GRID2: variants seen among roughly 807,000 people sequenced by gnomAD.
GRID2 encodes the protein glutamate receptor ionotropic, delta-2.
GRID2 carries 33 observed loss-of-function variants against 114.8 expected under a neutral mutation model. That is an observed-to-expected ratio of 0.29 (90% confidence interval 0.22 to 0.38). The LOEUF is 0.38. GRID2 is among the 10% of genes least tolerant of loss of function. The pLI, the probability that GRID2 is intolerant of heterozygous loss-of-function variation, is 1.00. For missense variants in GRID2, 1,184 were observed against 1,257.7 expected (o/e 0.94, Z 0.89); for synonymous variants, 505 against 449.9 (o/e 1.12, Z -1.55).
chr4:92,549,107 T>C (rs1726439168), intron 1 of GRID2, among the ~76,000 whole-genome samples: 1 of 144,148 alleles, frequency 6.9e-6, no homozygotes, highest in South Asian at 2.3e-4. Context: ...GAGCTAAAGA[T>C]TTTTAGGTCT....
intron 8 of GRID2, among the ~76,000 whole-genome samples, chr4:93,276,684 T>C (rs1464621108): frequency 6.6e-6 from 1 of 151,978 alleles, no homozygotes; most frequent in Non-Finnish European, 1.5e-5. Flanking sequence ...CTATTGTGAG[T>C]GACATTGTTT....
At chr4:93,117,547 G>C (rs1484000194) in intron 4 of GRID2, among the ~76,000 whole-genome samples, 1 of 152,126 alleles carries the variant, frequency 6.6e-6, no homozygotes, top group Non-Finnish European at 1.5e-5. Context: ...AAAAACTTGA[G>C]TTGTTAGTAA....
At chr4:92,435,069 T>A (rs1732670681) in intron 1 of GRID2, among the ~76,000 whole-genome samples, 1 of 152,178 alleles carries the variant, frequency 6.6e-6, no homozygotes, top group African/African-American at 2.4e-5. Flanking sequence ...ATCTTCTATG[T>A]TTCATTTACA....
At chr4:92,904,622 A>G (rs1363096562) in intron 2 of GRID2, among the ~76,000 whole-genome samples, 1 of 151,934 alleles carries the variant, frequency 6.6e-6, no homozygotes, top group Non-Finnish European at 1.5e-5. Context: ...AAGAAAAATA[A>G]TTAGGCCAGA....
chr4:93,762,491 A>G (rs1413372044), intron 14 of GRID2, among the ~76,000 whole-genome samples: 3 of 152,196 alleles, frequency 2.0e-5, no homozygotes, highest in South Asian at 2.1e-4. Context: ...ATCTTTCACT[A>G]TGACAGGACA....
intron 2 of GRID2, among the ~76,000 whole-genome samples, chr4:92,862,402 CT>C (rs766858469): frequency 2.6e-5 from 4 of 151,810 alleles, no homozygotes; most frequent in East Asian, 3.9e-4. Context: ...TGGGTGTAAT[CT>C]TTTTTTTATT....
intron 9 of GRID2, among the ~76,000 whole-genome samples, chr4:93,397,087 C>A (rs556204565): frequency 6.6e-6 from 1 of 152,044 alleles, no homozygotes; most frequent in African/African-American, 2.4e-5. Flanking sequence ...AGTTGCTGCC[C>A]TTTGTACATT....
intron 2 of GRID2, among the ~76,000 whole-genome samples, chr4:92,834,965 T>A (rs1442339284): frequency 6.6e-6 from 1 of 152,164 alleles, no homozygotes; most frequent in East Asian, 1.9e-4. Context: ...AGACCCTGTT[T>A]CCTCAATTCA....
chr4:92,499,607 GTTTA>G (rs775097464), intron 1 of GRID2, among the ~76,000 whole-genome samples: 4 of 152,014 alleles, frequency 2.6e-5, no homozygotes, highest in South Asian at 4.2e-4. Context: ...TGAATGTTTT[GTTTA>G]TTTATTTATT....
intron 8 of GRID2, among the ~76,000 whole-genome samples, chr4:93,387,524 G>A (rs551425051): frequency 6.6e-6 from 1 of 152,206 alleles, no homozygotes; most frequent in South Asian, 2.1e-4. Context: ...CTTACTTAAA[G>A]CATCATATAA....
rs141833917 is a variant in GRID2, at chr4:92,995,666, C to T, written c.245-89329C>T. Among the ~76,000 whole-genome samples, 81 of 152,034 alleles carry T rather than the reference C, an allele frequency of 5.3e-4. 1 individual carries two copies. The East Asian group carries it at 0.011, about 21-fold the overall frequency. On this transcript the variant is annotated intron_variant, in intron 2 of 15. Transcript: ENST00000282020. ...GTATTAATGTATTCAGTTTTTTATTCTCTGAACTATATATGGCATTACTTT... is the reference window on the plus strand; with the variant it reads ...GTATTAATGTATTCAGTTTTTTATTTTCTGAACTATATATGGCATTACTTT...
chr4:93,547,190 T>C (rs1209045750), intron 13 of GRID2, among the ~76,000 whole-genome samples: 1 of 152,164 alleles, frequency 6.6e-6, no homozygotes, highest in Non-Finnish European at 1.5e-5. Flanking sequence ...TAAATAAAAC[T>C]CCTATAATAG....
rs557811783 is a variant in GRID2, at chr4:93,084,149, A to G, written c.245-846A>G. Among the ~76,000 whole-genome samples, 87 of 152,206 alleles carry G rather than the reference A, an allele frequency of 5.7e-4. No individual in the cohort carries two copies. In the Middle Eastern group the frequency reaches 0.01, roughly 18 times the overall value. On this transcript the variant is annotated intron_variant, in intron 2 of 15. Transcript: ENST00000282020. ...ACTTATTTTTAATTTTTTATCTTCA[A>G]AGTTTGCCATTATGAAACATTACCT... is the stretch of plus-strand genomic sequence containing the variant.
At chr4:92,504,135 A>G (rs12331640) in intron 1 of GRID2, among the ~76,000 whole-genome samples, 47,816 of 151,934 alleles carry the variant, frequency 0.31, 7,697 homozygotes, top group Non-Finnish European at 0.36. Context: ...AAGGATTTTT[A>G]TAGAAATTGG....
chr4:92,772,316 T>G (rs1298426335), intron 2 of GRID2, among the ~76,000 whole-genome samples: 1 of 152,150 alleles, frequency 6.6e-6, no homozygotes, highest in African/African-American at 2.4e-5. Flanking sequence ...CAATCTTTTA[T>G]TCATATGTAA....
chr4:93,085,140 C>T lies in GRID2; in HGVS notation c.390C>T (p.Gly130=). 3.1e-6 allele frequency: 5 copies of T among 1,614,164 alleles called. No individual in the cohort carries two copies. The highest frequency in any genetic ancestry group is 4.2e-6 in the Non-Finnish European group (5 of 1,180,022). ...QRSTAGTPRS[G]CGLTRSNRND... The stretch of plus-strand genomic sequence containing the variant: ...CAACAGCTGGGACCCCAAGGAGTGG[C>T]TGTGGACTCACCCGGAGCAACAGGA... The change falls in exon 3 of 16, where the codon GGC becomes GGT. Residue 130 remains glycine (G), a synonymous_variant. Transcript: ENST00000282020.
chr4:93,263,916 A>G (rs919240312), intron 8 of GRID2, among the ~76,000 whole-genome samples: 1 of 152,184 alleles, frequency 6.6e-6, no homozygotes, highest in African/African-American at 2.4e-5. Flanking sequence ...ATAGAAGTCA[A>G]CTGAAAGCAG....
intron 4 of GRID2, among the ~76,000 whole-genome samples, chr4:93,124,106 TAAAAA>T (rs35906944): frequency 7.6e-6 from 1 of 131,174 alleles, no homozygotes; most frequent in Non-Finnish European, 1.7e-5. Context: ...TAAAGTATAA[TAAAAA>T]AAAAAGAAAA....
intron 2 of GRID2, among the ~76,000 whole-genome samples, chr4:93,068,525 G>A (rs1728514962): frequency 6.6e-6 from 1 of 152,072 alleles, no homozygotes; most frequent in Admixed American, 6.6e-5. Context: ...AAAGAGTTCA[G>A]GGAACTATGT....
Sources: allele counts gnomAD v4.1 joint callset (sites outside exome capture counted in the v4.1 genomes callset), GRCh38; gene constraint gnomAD v4.1.1; transcripts MANE v1.5; gene names NCBI Gene and HGNC (gene_info 2026-07-23, HGNC 2026-07-21).